CELSR1: variants seen among roughly 807,000 people sequenced by gnomAD.
CELSR1 encodes adhesion G protein-coupled receptor C1.
CELSR1 carries 110 observed loss-of-function variants against 249.1 expected under a neutral mutation model. The observed-to-expected ratio is 0.44, with a 90% CI of 0.38 to 0.52. CELSR1 has a LOEUF of 0.52. Among genes scored for constraint, CELSR1 ranks in the 20% least tolerant of loss-of-function variants. The probability of loss-of-function intolerance (pLI) is 0.00; values close to 1 mark genes in which losing one functional copy is unlikely to be tolerated. For synonymous variants in CELSR1, 2,113 were observed against 1,900.0 expected (o/e 1.11, Z -2.92); for missense variants, 4,109 against 4,296.4 (o/e 0.96, Z 1.22).
In CELSR1 at chr22:46,380,653, C is replaced by T; in HGVS notation, c.7256+135G>A. ...AGCAGAGCAGGAGGCTCACTGCCCC[C>T]ACGGGGGACTTAAAGGGGAAACACA... On this transcript the variant is annotated intron_variant, in intron 22 of 34. Transcript: ENST00000674500. The surrounding 1 kb of genome is among the most constrained non-coding windows in gnomAD (Gnocchi z 5.1). 2.0e-6 allele frequency: 2 copies of T among 1,002,424 alleles called. No homozygotes were observed. The highest frequency in any genetic ancestry group is 2.4e-5 in the East Asian group (1 of 40,882). 62.1% of individuals were successfully genotyped at this position (1,002,424 alleles called of 1,614,324 possible). A position where few individuals can be genotyped will look rare whatever the true frequency, so the allele number is the denominator to read the frequency against.
In CELSR1 at chr22:46,518,696, T is replaced by C. The variant is rs1256008471; in HGVS notation, c.3544+14931A>G. On this transcript the variant is annotated intron_variant, in intron 1 of 34. Transcript: ENST00000674500. This position sits in a 1 kb window ranked among gnomAD's most constrained non-coding sequence, Gnocchi z 5.2. ...GCGGTCTCTGCCTCCATCTTCACGT[T>C]GTGGCCTCCTCATTGTGTGTCTGTC... Among the ~76,000 whole-genome samples the C allele has an allele frequency of 2.0e-5, 3 of 152,182 alleles. No homozygotes were observed. The highest frequency in any genetic ancestry group is 7.2e-5 in the African/African-American group (3 of 41,434).
rs1389449936 is a variant in CELSR1 at position 46,427,269 on chromosome 22, C to T, written c.4611+6124G>A. 6.6e-6 allele frequency among the ~76,000 whole-genome samples: 1 copy of T among 152,182 alleles called. No individual in the cohort carries two copies. Among genetic ancestry groups the T allele is most frequent in the Non-Finnish European group, 1.5e-5 (1 of 68,020 alleles). ...AACCAGGCTCGGCCAGGTGCAGTGG[C>T]TTATGCCTGTAATCCTAACTGTTTG... On this transcript the variant is annotated intron_variant, in intron 5 of 34. Coordinates refer to ENST00000674500, the MANE Select transcript of CELSR1 (RefSeq NM_001378328.1). This position sits in a 1 kb window ranked among gnomAD's most constrained non-coding sequence, Gnocchi z 4.2.
rs1259625313 is a variant in CELSR1 at position 46,362,843 on chromosome 22, T to C, written c.*380A>G. The C allele has an allele frequency of 2.8e-6, 1 of 356,846 alleles. No individual in the cohort carries two copies. Among genetic ancestry groups the C allele is most frequent in the Non-Finnish European group, 5.1e-6 (1 of 195,304 alleles). 22.1% of individuals were successfully genotyped at this position (356,846 alleles called of 1,614,324 possible). ...CTGGGCGGGGCTGGACCGCGGTCTT[T>C]GGTCTGTGCCCGGCGTTCCTGAACT... On this transcript the variant is annotated 3_prime_UTR_variant, in exon 35 of 35. Transcript: ENST00000674500.
intron 5 of CELSR1, among the ~76,000 whole-genome samples, chr22:46,419,240 G>A (rs947791385): frequency 2.0e-5 from 3 of 152,194 alleles, no homozygotes; most frequent in African/African-American, 7.2e-5. Flanking sequence ...GCTCAGAGGG[G>A]GGTCTTCTTG....
chr22:46,525,784 C>T (rs906508175), intron 1 of CELSR1, among the ~76,000 whole-genome samples: 3 of 152,272 alleles, frequency 2.0e-5, no homozygotes, highest in Non-Finnish European at 4.4e-5. Context: ...CTATCCCCTT[C>T]CTCAACAGGT....
At position 46,436,219 on chromosome 22, in the gene CELSR1, C is replaced by T. The variant is rs530552874; in HGVS notation, c.4477G>A (p.Ala1493Thr). The change falls in exon 4 of 35, where the codon GCC (alanine) becomes ACC (threonine). Residue 1493 changes from alanine to threonine, a missense_variant. By Grantham distance (58) the Ala-to-Thr change is moderately conservative (BLOSUM62 0). Coordinates refer to ENST00000674500, the MANE Select transcript of CELSR1 (RefSeq NM_001378328.1). The surrounding 1 kb of genome is among the most constrained non-coding windows in gnomAD (Gnocchi z 5.9). ...ACCTGCTCGTCCACGATCTCCAGGG[C>T]GATGAAGTCGTGCTTCTCATTGAAG... is the stretch of plus-strand genomic sequence containing the variant. ...GRFNEKHDFI[A>T]LEIVDEQVQL... The T allele has an allele frequency of 1.4e-5, 22 of 1,613,970 alleles. No homozygotes were observed. The highest frequency in any genetic ancestry group is 4.4e-5 in the South Asian group (4 of 91,080).
Position 46,398,607 on chromosome 22 carries a change from C to T in CELSR1, c.5443G>A (p.Gly1815Arg), listed in dbSNP as rs1282482999. 1.4e-5 allele frequency: 22 copies of T among 1,613,784 alleles called. No individual in the cohort carries two copies. The highest frequency in any genetic ancestry group is 1.9e-5 in the Non-Finnish European group (22 of 1,179,928). Reference sequence around the variant, plus strand: ...ACCACCACGCTCCTTACCGTCAGCCCGGGAAGCATGCCCCCGATATCTGCC... The same window carrying T: ...ACCACCACGCTCCTTACCGTCAGCCTGGGAAGCATGCCCCCGATATCTGCC... ...NKADIGGMLP[G>R]LTVRSVVVGG... The change falls in exon 11 of 35, where the codon GGG becomes AGG. Residue 1815 changes from glycine to arginine, a missense_variant. Gly to Arg is a moderately radical substitution (Grantham distance 125). Around this residue, in one of 7 missense-constraint regions of CELSR1, gnomAD observed 1,805 missense variants for 1,831.6 expected, o/e 0.99. Transcript: ENST00000674500. This position sits in a 1 kb window ranked among gnomAD's most constrained non-coding sequence, Gnocchi z 7.2.
chr22:46,457,912 G>A (rs553623879), intron 2 of CELSR1, among the ~76,000 whole-genome samples: 9 of 152,340 alleles, frequency 5.9e-5, no homozygotes, highest in African/African-American at 2.2e-4. Flanking sequence ...ATGAGTTTCA[G>A]GCCCCGAGGG....
At position 46,479,191 on chromosome 22, in the gene CELSR1, C is replaced by T. The variant is rs146994555; in HGVS notation, c.3545-14846G>A. The stretch of plus-strand genomic sequence containing the variant: ...TGCAGCATCCGCCGACGGACGCTCC[C>T]GGGGTTTTGCTGAATCCTGGGAGCT... On this transcript the variant is annotated intron_variant, in intron 1 of 34. Coordinates refer to ENST00000674500, the MANE Select transcript of CELSR1 (RefSeq NM_001378328.1). 4.5e-4 allele frequency among the ~76,000 whole-genome samples: 68 copies of T among 151,974 alleles called. 1 individual carries two copies. Among genetic ancestry groups the T allele is most frequent in the African/African-American group, 1.4e-3 (58 of 41,462 alleles).
At chr22:46,378,007 ACCTCCCT>A (rs1368175191) in intron 23 of CELSR1, among the ~76,000 whole-genome samples, 12 of 151,984 alleles carry the variant, frequency 7.9e-5, no homozygotes, top group Admixed American at 5.9e-4. Context: ...GCTGGCTCCC[ACCTCCCT>A]CCTGTCTGGA....
chr22:46,397,140 GT>G (rs2079156438), intron 12 of CELSR1, among the ~76,000 whole-genome samples: 1 of 152,104 alleles, frequency 6.6e-6, no homozygotes, highest in Non-Finnish European at 1.5e-5. Context: ...GTCTTGCTCT[GT>G]TGCCCAGGCT....
At position 46,531,746 on chromosome 22, in the gene CELSR1, G is replaced by A. The variant is rs144221975; in HGVS notation, c.3544+1881C>T. 5.7e-3 allele frequency among the ~76,000 whole-genome samples: 872 copies of A among 152,208 alleles called. 5 individuals are homozygous for A. Among genetic ancestry groups the A allele is most frequent in the Non-Finnish European group, 0.01 (702 of 68,022 alleles). ...AGCAGCATGACACCACTCAGCTCCCGGTTACCAGGGAAACACATGAGAGCG... is the reference window on the plus strand; with the variant it reads ...AGCAGCATGACACCACTCAGCTCCCAGTTACCAGGGAAACACATGAGAGCG... On this transcript the variant is annotated intron_variant, in intron 1 of 34. Transcript: ENST00000674500.
intron 1 of CELSR1, among the ~76,000 whole-genome samples, chr22:46,525,097 T>C (rs1032270358): frequency 6.6e-6 from 1 of 152,180 alleles, no homozygotes; most frequent in Non-Finnish European, 1.5e-5. Context: ...TGGCTTGAAC[T>C]TCCACCTGAA....
intron 1 of CELSR1, among the ~76,000 whole-genome samples, chr22:46,528,605 C>T (rs1193103890): frequency 6.6e-6 from 1 of 152,170 alleles, no homozygotes; most frequent in African/African-American, 2.4e-5. Context: ...AAATGTGGTA[C>T]ATATATACCA....
intron 1 of CELSR1, among the ~76,000 whole-genome samples, chr22:46,465,708 A>G (rs1011018107): frequency 6.6e-6 from 1 of 152,232 alleles, no homozygotes; most frequent in African/African-American, 2.4e-5. Context: ...TAATTTGTCT[A>G]AACAACAAAG....
In CELSR1 at chr22:46,398,802, G is replaced by C. The variant is rs2079179721; in HGVS notation, c.5413-165C>G. Among the ~76,000 whole-genome samples, 1 of 152,240 alleles carries C rather than the reference G, an allele frequency of 6.6e-6. No homozygotes were observed. Among genetic ancestry groups the C allele is most frequent in the East Asian group, 1.9e-4 (1 of 5,194 alleles). On this transcript the variant is annotated intron_variant, in intron 10 of 34. Transcript: ENST00000674500. This position sits in a 1 kb window ranked among gnomAD's most constrained non-coding sequence, Gnocchi z 7.2. ...AGAGAGAGCTGGGCCCAGCTGGACA[G>C]CGAGGCTGGCTGTGATGACCAGGGC...
chr22:46,447,589 C>A lies in CELSR1; in HGVS notation c.4184-8178G>T, dbSNP rs1403080996. On this transcript the variant is annotated intron_variant, in intron 2 of 34. Transcript: ENST00000674500. The surrounding 1 kb of genome is among the most constrained non-coding windows in gnomAD (Gnocchi z 4.7). ...AGCCTGCCAAAAGCTCCCCCTCTCC[C>A]CGTAGGAGGGACGCAGGGCTCAGCT... Among the ~76,000 whole-genome samples the A allele has an allele frequency of 6.6e-6, 1 of 152,160 alleles. No individual in the cohort carries two copies. The highest frequency in any genetic ancestry group is 1.5e-5 in the Non-Finnish European group (1 of 68,026).
In CELSR1 at chr22:46,413,346, G is replaced by A. The variant is rs1184842333; in HGVS notation, c.4612-1587C>T. On this transcript the variant is annotated intron_variant, in intron 5 of 34. Coordinates refer to ENST00000674500, the MANE Select transcript of CELSR1 (RefSeq NM_001378328.1). This position sits in a 1 kb window ranked among gnomAD's most constrained non-coding sequence, Gnocchi z 4.7. ...TCTGGGGACCCTGGACACCCAGGCAGCACGCCCTGCCTGGAGTTGTGCAGT... is the reference window on the plus strand; with the variant it reads ...TCTGGGGACCCTGGACACCCAGGCAACACGCCCTGCCTGGAGTTGTGCAGT... Among the ~76,000 whole-genome samples the A allele has an allele frequency of 6.6e-6, 1 of 152,226 alleles. No homozygotes were observed. The highest frequency in any genetic ancestry group is 1.5e-5 in the Non-Finnish European group (1 of 68,042).
At chr22:46,529,608 G>A (rs1229896428) in intron 1 of CELSR1, among the ~76,000 whole-genome samples, 1 of 151,966 alleles carries the variant, frequency 6.6e-6, no homozygotes, top group African/African-American at 2.4e-5. Flanking sequence ...TTCGAGACCA[G>A]CCTGGCCAAC....
Sources: allele counts gnomAD v4.1 joint callset (sites outside exome capture counted in the v4.1 genomes callset), GRCh38; gene constraint gnomAD v4.1.1; regional missense constraint gnomAD v4.1.1; non-coding constraint Gnocchi (gnomAD v3.1); transcripts MANE v1.5; gene names NCBI Gene and HGNC (gene_info 2026-07-23, HGNC 2026-07-21).